CADPS2: variants seen among roughly 807,000 people sequenced by gnomAD.
CADPS2 encodes calcium dependent secretion activator 2, also known as calcium-dependent secretion activator 2.
A neutral mutation model predicts 172.5 loss-of-function variants in CADPS2; 93 were observed. The ratio of observed to expected loss-of-function variants is 0.54; its 90% confidence interval spans 0.46 to 0.64. The LOEUF (loss-of-function observed/expected upper bound fraction) is 0.64. CADPS2 is among the 30% of genes least tolerant of loss of function. The pLI, the probability that CADPS2 is intolerant of heterozygous loss-of-function variation, is 0.00. For synonymous variants in CADPS2, 546 were observed against 555.2 expected (o/e 0.98, Z 0.23); for missense variants, 1,420 against 1,565.9 (o/e 0.91, Z 1.57).
chr7:122,414,184 C>T (rs1048253432), intron 18 of CADPS2, 108 bp from the exon 19 acceptor site: 20 of 643,726 alleles, frequency 3.1e-5, no homozygotes, highest in Middle Eastern at 2.9e-4. Context: ...TTCAGTATAT[C>T]GTATAGTGAT....
intron 9 of CADPS2, among the ~76,000 whole-genome samples, chr7:122,501,307 T>C (rs1358361283): frequency 6.6e-6 from 1 of 152,050 alleles, no homozygotes; most frequent in Admixed American, 6.6e-5. Context: ...AGATTTTGAT[T>C]ATGTAGCAAG....
chr7:122,516,569 T>C (rs774380447), intron 8 of CADPS2, among the ~76,000 whole-genome samples: 6 of 151,706 alleles, frequency 4.0e-5, no homozygotes, highest in Admixed American at 6.6e-5. Context: ...GGAATGAAGA[T>C]AAAAATGTTC....
At chr7:122,441,287 A>G (rs1417928566) in intron 16 of CADPS2, among the ~76,000 whole-genome samples, 3 of 152,280 alleles carry the variant, frequency 2.0e-5, no homozygotes, top group African/African-American at 7.2e-5. Context: ...AAAAGATGCC[A>G]TAATATGAGG....
chr7:122,836,901 T>C (rs1808639169), intron 1 of CADPS2, among the ~76,000 whole-genome samples: 2 of 152,094 alleles, frequency 1.3e-5, no homozygotes, highest in Admixed American at 1.3e-4. Context: ...TATCCAGGAA[T>C]TGAACTCAGC....
chr7:122,790,281 C>T (rs1795004473), intron 1 of CADPS2, among the ~76,000 whole-genome samples: 1 of 151,392 alleles, frequency 6.6e-6, no homozygotes, highest in South Asian at 2.1e-4. Context: ...CGCTTGTATT[C>T]CTAGCTACTC....
At chr7:122,483,152 C>T (rs1005811922) in intron 11 of CADPS2, among the ~76,000 whole-genome samples, 13 of 152,228 alleles carry the variant, frequency 8.5e-5, no homozygotes, top group African/African-American at 3.1e-4. Flanking sequence ...AGTAACTTAA[C>T]TGTGTCTCAG....
At position 122,492,034 on chromosome 7, in the gene CADPS2, T is replaced by G. The variant is rs555882525; in HGVS notation, c.1543-614A>C. ...AAAAATACAAAAAATTAGCCAGGCG[T>G]GGTGGCACACACCAGTAGTCCCAGC... On this transcript the variant is annotated intron_variant, in intron 9 of 29. Coordinates refer to ENST00000449022, the MANE Select transcript of CADPS2 (RefSeq NM_017954.11). Among the ~76,000 whole-genome samples, 241 of 152,042 alleles carry G rather than the reference T, an allele frequency of 1.6e-3. 2 individuals are homozygous for G. Among genetic ancestry groups the G allele is most frequent in the African/African-American group, 5.6e-3 (232 of 41,486 alleles).
chr7:122,536,978 C>CCGAG, intron 8 of CADPS2, among the ~76,000 whole-genome samples: 1 of 151,900 alleles, frequency 6.6e-6, no homozygotes. Context: ...GATGAGAACA[C>CCGAG]ATGGGCACAT....
intron 11 of CADPS2, among the ~76,000 whole-genome samples, chr7:122,481,162 C>CTTTTT (rs35352953): frequency 8.0e-4 from 86 of 107,526 alleles, no homozygotes; most frequent in Non-Finnish European, 1.3e-3. Flanking sequence ...TTTCTTCATT[C>CTTTTT]TTTTTTTTTT....
At chr7:122,406,562 CAGA>C (rs2046664652) in intron 20 of CADPS2, among the ~76,000 whole-genome samples, 1 of 152,074 alleles carries the variant, frequency 6.6e-6, no homozygotes, top group African/African-American at 2.4e-5. Context: ...CACCACACTC[CAGA>C]AGAACACTGA....
chr7:122,640,627 T>C (rs2077526004), intron 3 of CADPS2, among the ~76,000 whole-genome samples: 1 of 151,354 alleles, frequency 6.6e-6, no homozygotes, highest in Non-Finnish European at 1.5e-5. Flanking sequence ...AAATAAAAAA[T>C]AAAAATAAAA....
chr7:122,803,062 T>G (rs1352379378), intron 1 of CADPS2, among the ~76,000 whole-genome samples: 2 of 152,230 alleles, frequency 1.3e-5, no homozygotes, highest in East Asian at 3.8e-4. Flanking sequence ...GGTTTGTTAT[T>G]GTATGCATAG....
At chr7:122,371,843 G>T (rs1352447155) in intron 25 of CADPS2, among the ~76,000 whole-genome samples, 1 of 152,144 alleles carries the variant, frequency 6.6e-6, no homozygotes. Flanking sequence ...GGGGTGATCA[G>T]TACTGCCAAT....
At chr7:122,397,960 C>T (rs373035998) in intron 20 of CADPS2, among the ~76,000 whole-genome samples, 17 of 152,122 alleles carry the variant, frequency 1.1e-4, no homozygotes, top group East Asian at 9.7e-4. Context: ...ACTTTTTTCC[C>T]GAAAAGATTC....
At chr7:122,851,375 T>C (rs1436984874) in intron 1 of CADPS2, among the ~76,000 whole-genome samples, 2 of 152,060 alleles carry the variant, frequency 1.3e-5, no homozygotes, top group Non-Finnish European at 2.9e-5. Context: ...CTCAGGAAAG[T>C]CCACAGAAAC....
intron 1 of CADPS2, among the ~76,000 whole-genome samples, chr7:122,764,768 A>G (rs1026467138): frequency 1.3e-5 from 2 of 152,064 alleles, no homozygotes; most frequent in Non-Finnish European, 2.9e-5. Context: ...GCCAAACATC[A>G]AGGCCCAGAG....
intron 27 of CADPS2, among the ~76,000 whole-genome samples, chr7:122,350,925 C>T (rs1293438553): frequency 6.6e-6 from 1 of 151,824 alleles, no homozygotes; most frequent in Non-Finnish European, 1.5e-5. Flanking sequence ...CACACTACTG[C>T]CCTCTAGCCT....
At chr7:122,619,391 T>C (rs1012472993) in intron 5 of CADPS2, among the ~76,000 whole-genome samples, 13 of 151,766 alleles carry the variant, frequency 8.6e-5, no homozygotes, top group African/African-American at 2.7e-4. Context: ...TTTGGGTGGA[T>C]TGTCTGAGCT....
intron 9 of CADPS2, among the ~76,000 whole-genome samples, chr7:122,504,488 G>A (rs1261204250): frequency 6.6e-6 from 1 of 152,124 alleles, no homozygotes; most frequent in Non-Finnish European, 1.5e-5. Flanking sequence ...GAGGGCTGCT[G>A]ACACTCCATG....
Sources: allele counts gnomAD v4.1 joint callset (sites outside exome capture counted in the v4.1 genomes callset), GRCh38; gene constraint gnomAD v4.1.1; transcripts MANE v1.5; gene names NCBI Gene and HGNC (gene_info 2026-07-23, HGNC 2026-07-21).